The following MAPK10 variants were observed in gnomAD, a reference collection of about 807,000 sequenced individuals.
MAPK10 encodes the protein mitogen-activated protein kinase 10.
A neutral mutation model predicts 59.3 loss-of-function variants in MAPK10; 25 were observed. The observed-to-expected ratio is 0.42, with a 90% CI of 0.31 to 0.59. The LOEUF is 0.59. Ranked by LOEUF, MAPK10 falls within the 20% of genes least tolerant of loss-of-function variation. The pLI, the probability that MAPK10 is intolerant of heterozygous loss-of-function variation, is 0.15. For missense variants in MAPK10, 351 were observed against 568.9 expected (o/e 0.62, Z 3.90); for synonymous variants, 190 against 200.5 (o/e 0.95, Z 0.44).
intron 1 of MAPK10, among the ~76,000 whole-genome samples, chr4:86,586,885 C>G (rs1322565972): frequency 1.3e-5 from 2 of 152,186 alleles, no homozygotes; most frequent in Non-Finnish European, 2.9e-5. Context: ...TTAAATTTTT[C>G]TGTCTTAGTA....
intron 9 of MAPK10, among the ~76,000 whole-genome samples, chr4:86,094,279 C>G (rs1191918968): frequency 6.6e-6 from 1 of 151,852 alleles, no homozygotes; most frequent in Non-Finnish European, 1.5e-5. Flanking sequence ...AACCATTTAC[C>G]TATTCCTTAA....
At chr4:86,228,630 C>G (rs968954762) in intron 2 of MAPK10, among the ~76,000 whole-genome samples, 2 of 152,152 alleles carry the variant, frequency 1.3e-5, no homozygotes, top group African/African-American at 4.8e-5. Flanking sequence ...ATTCTATCAC[C>G]CTTTGTGTCA....
intron 1 of MAPK10, among the ~76,000 whole-genome samples, chr4:86,537,921 T>G (rs759547069): frequency 3.9e-5 from 6 of 152,218 alleles, no homozygotes; most frequent in Non-Finnish European, 5.9e-5. Flanking sequence ...GTAAAGATAG[T>G]GTCCTGTGTT....
At chr4:86,284,191 A>G (rs2094919323) in intron 2 of MAPK10, among the ~76,000 whole-genome samples, 1 of 152,226 alleles carries the variant, frequency 6.6e-6, no homozygotes, top group South Asian at 2.1e-4. Flanking sequence ...TATGAGGAAC[A>G]TGCTATTATT....
At chr4:86,203,687 T>C (rs1163612518) in intron 2 of MAPK10, among the ~76,000 whole-genome samples, 1 of 150,152 alleles carries the variant, frequency 6.7e-6, no homozygotes, top group Non-Finnish European at 1.5e-5. Context: ...CACAAAGTCA[T>C]TGTTAATTAA....
intron 4 of MAPK10, among the ~76,000 whole-genome samples, chr4:86,137,272 A>G (rs1285591609): frequency 6.6e-6 from 1 of 151,946 alleles, no homozygotes; most frequent in Non-Finnish European, 1.5e-5. Flanking sequence ...AAAATTGACC[A>G]TATACTTGGA....
chr4:86,091,895 A>G (rs1271723825), intron 9 of MAPK10, among the ~76,000 whole-genome samples: 2 of 151,818 alleles, frequency 1.3e-5, no homozygotes, highest in Non-Finnish European at 2.9e-5. Context: ...GATGGTCTTG[A>G]TCTCCTGACC....
At chr4:86,483,639 A>C (rs1033068645) in intron 1 of MAPK10, among the ~76,000 whole-genome samples, 2 of 152,144 alleles carry the variant, frequency 1.3e-5, no homozygotes, top group Non-Finnish European at 2.9e-5. Context: ...ACACCTGCTA[A>C]GAACCAGATT....
chr4:86,518,882 T>C (rs1285446464), intron 1 of MAPK10, among the ~76,000 whole-genome samples: 2 of 152,244 alleles, frequency 1.3e-5, no homozygotes, highest in Non-Finnish European at 2.9e-5. Context: ...CCAAACATCA[T>C]TCAGGAGCAG....
chr4:86,207,332 G>A (rs1207428990), intron 2 of MAPK10, among the ~76,000 whole-genome samples: 3 of 151,790 alleles, frequency 2.0e-5, no homozygotes, highest in Non-Finnish European at 4.4e-5. Context: ...GTTTTTCTCA[G>A]GTTTGTCAAA....
chr4:86,089,429 G>A (rs1188127872), intron 9 of MAPK10: 1 of 576,236 alleles, frequency 1.7e-6, no homozygotes, highest in Non-Finnish European at 3.1e-6. Flanking sequence ...CATTTTAAAT[G>A]GTGGAAAGGG....
rs9307014 is a variant in MAPK10, at chr4:86,031,534, C to T, written c.1111-103G>A. The T allele has an allele frequency of 1.0e-4, 81 of 789,950 alleles. No individual in the cohort carries two copies. In the African/African-American group the frequency reaches 1.3e-3, roughly 13 times the overall value. The allele number at this position is 789,950 out of a possible 1,614,324, so 48.9% of individuals were successfully genotyped here. A position where few individuals can be genotyped will look rare whatever the true frequency, so the allele number is the denominator to read the frequency against. On this transcript the variant is annotated intron_variant, in intron 11 of 13. Transcript: ENST00000641462. ...TTGCCCTCATTTATTTCGGTGATTT[C>T]AACCGTATATAAGTTATGAGGAAAT...
chr4:86,390,459 A>G (rs569292073), intron 1 of MAPK10, among the ~76,000 whole-genome samples: 2 of 152,250 alleles, frequency 1.3e-5, no homozygotes, highest in East Asian at 3.9e-4. Flanking sequence ...CCCCCAAGCA[A>G]CTTGGGCAGG....
intron 2 of MAPK10, among the ~76,000 whole-genome samples, chr4:86,280,395 C>A (rs1225480991): frequency 2.0e-5 from 3 of 152,104 alleles, no homozygotes; most frequent in Non-Finnish European, 2.9e-5. Flanking sequence ...ATCAAAACCA[C>A]AATAAGATAC....
At chr4:86,337,954 T>C (rs940764244) in intron 2 of MAPK10, among the ~76,000 whole-genome samples, 1 of 152,216 alleles carries the variant, frequency 6.6e-6, no homozygotes, top group African/African-American at 2.4e-5. Context: ...TCTACTTTCC[T>C]TAAGATATAA....
At chr4:86,569,422 C>T (rs1761296571) in intron 1 of MAPK10, among the ~76,000 whole-genome samples, 1 of 152,056 alleles carries the variant, frequency 6.6e-6, no homozygotes, top group Non-Finnish European at 1.5e-5. Flanking sequence ...ACAGAACTGC[C>T]ATTTGATCCA....
rs1374749024 is a variant in MAPK10 at position 86,547,941 on chromosome 4, A to G, written c.-263+45969T>C. On this transcript the variant is annotated intron_variant, in intron 1 of 4. Transcript: ENST00000502302. ...TAAACGCACCAATCAGCGCCCTGTCAAAACAGACCACTCGGCTCTACCAAT... is the reference window on the plus strand; with the variant it reads ...TAAACGCACCAATCAGCGCCCTGTCGAAACAGACCACTCGGCTCTACCAAT... 2.0e-5 allele frequency among the ~76,000 whole-genome samples: 3 copies of G among 152,192 alleles called. No homozygotes were observed. In the East Asian group the frequency reaches 5.8e-4, roughly 29 times the overall value.
At chr4:86,472,456 G>T (rs1008035646) in intron 1 of MAPK10, among the ~76,000 whole-genome samples, 1 of 152,050 alleles carries the variant, frequency 6.6e-6, no homozygotes, top group African/African-American at 2.4e-5. Flanking sequence ...ACCAGCCTGG[G>T]CAACATGGCA....
chr4:86,140,354 T>TA (rs1224774484), intron 4 of MAPK10, among the ~76,000 whole-genome samples: 2 of 142,464 alleles, frequency 1.4e-5, no homozygotes, highest in Non-Finnish European at 3.0e-5. Flanking sequence ...TATGCAGCCA[T>TA]AAAAAATGAT....
Sources: allele counts gnomAD v4.1 joint callset (sites outside exome capture counted in the v4.1 genomes callset), GRCh38; gene constraint gnomAD v4.1.1; transcripts MANE v1.5; gene names NCBI Gene and HGNC (gene_info 2026-07-23, HGNC 2026-07-21).